Variants in KLRF1 observed in about 807,000 individuals in gnomAD.
The protein encoded by KLRF1 is killer cell lectin-like receptor subfamily F member 1.
KLRF1 carries 27 observed loss-of-function variants against 30.7 expected under a neutral mutation model. The observed-to-expected ratio is 0.88, with a 90% CI of 0.65 to 1.21. KLRF1 has a LOEUF of 1.21. Ranked by LOEUF, KLRF1 falls within the 50% of genes most tolerant of loss-of-function variation. KLRF1 has a pLI of 0.00. For missense variants in KLRF1, 246 were observed against 259.3 expected (o/e 0.95, Z 0.35); for synonymous variants, 92 against 89.3 (o/e 1.03, Z -0.17).
chr12:9,815,618 T>C, the KLRF1 span, among the ~76,000 whole-genome samples: 2 of 152,240 alleles, frequency 1.3e-5, no homozygotes, highest in African/African-American at 2.4e-5. Context: ...ACCTAGATTA[T>C]CATTATATTG....
At chr12:9,811,021 G>C in the KLRF1 span, among the ~76,000 whole-genome samples, 1 of 151,662 alleles carries the variant, frequency 6.6e-6, no homozygotes, top group Non-Finnish European at 1.5e-5. Flanking sequence ...TTCCAGCAAT[G>C]GTGAGGCTGA....
chr12:9,818,251 C>T, the KLRF1 span, among the ~76,000 whole-genome samples: 6 of 152,170 alleles, frequency 3.9e-5, no homozygotes, highest in African/African-American at 7.2e-5. Context: ...CTTGAATCAA[C>T]GTTAAGGATG....
rs149091495 is a variant in KLRF1 at position 9,833,222 on chromosome 12, G to A, written c.185-81G>A. On this transcript the variant is annotated intron_variant, in intron 2 of 5. Coordinates refer to ENST00000617889, the MANE Select transcript of KLRF1 (RefSeq NM_016523.3). The stretch of plus-strand genomic sequence containing the variant: ...TCAATTATTTCTTGTTCCAATCATC[G>A]GAATCATTCCATTGAATGTGTCCCT... 5.4e-3 allele frequency: 5,063 copies of A among 936,780 alleles called. 21 individuals carry two copies. The highest frequency in any genetic ancestry group is 0.019 in the Middle Eastern group (67 of 3,594). The allele number at this position is 936,780 out of a possible 1,614,324, so 58.0% of individuals were successfully genotyped here. A position where few individuals can be genotyped will look rare whatever the true frequency, so the allele number is the denominator to read the frequency against.
Position 9,833,901 on chromosome 12 carries a change from C to CTTTTTTT in KLRF1, c.334+468_334+474dup, listed in dbSNP as rs35443913. Among the ~76,000 whole-genome samples, 59 of 82,400 alleles carry CTTTTTTT rather than the reference C, an allele frequency of 7.2e-4. 2 individuals carry two copies. Among genetic ancestry groups the CTTTTTTT allele is most frequent in the African/African-American group, 2.9e-3 (53 of 18,058 alleles). The allele number at this position is 82,400 out of a possible 152,430, so 54.1% of individuals were successfully genotyped here. A position where few individuals can be genotyped will look rare whatever the true frequency, so the allele number is the denominator to read the frequency against. On this transcript the variant is annotated intron_variant, in intron 3 of 5. Transcript: ENST00000617889. ...TTACCTTCTATTTTTAAATGTTTAA[C>CTTTTTTT]TTTTTTTTTTTTTTTTTTTTTTTTT... is the stretch of plus-strand genomic sequence containing the variant.
intron 3 of KLRF1, among the ~76,000 whole-genome samples, chr12:9,841,408 A>G (rs1344908515): frequency 6.6e-6 from 1 of 152,088 alleles, no homozygotes; most frequent in African/African-American, 2.4e-5. Flanking sequence ...TCAAACCCCC[A>G]TGACACAAAT....
chr12:9,832,689 ATG>A (rs932528321), intron 2 of KLRF1, among the ~76,000 whole-genome samples: 48 of 117,274 alleles, frequency 4.1e-4, no homozygotes, highest in African/African-American at 1.2e-3. Context: ...GTGTGTGTGT[ATG>A]TGTGTGTATG....
chr12:9,834,330 G>A (rs1355461659), intron 3 of KLRF1, among the ~76,000 whole-genome samples: 1 of 152,050 alleles, frequency 6.6e-6, no homozygotes, highest in African/African-American at 2.4e-5. Context: ...TGGGCTCAGA[G>A]GCCTGACAGT....
At chr12:9,808,806 T>C in the KLRF1 span, among the ~76,000 whole-genome samples, 41,408 of 152,028 alleles carry the variant, frequency 0.27, 6,060 homozygotes, top group African/African-American at 0.38. Context: ...TTAAAAGACT[T>C]ATCACATTAA....
rs377343692 is a variant in KLRF1, at chr12:9,841,830, G to A, written c.353G>A (p.Trp118Ter). The part of the protein sequence containing the change: ...ADQTVLCQSE[W>*]LKYQGKCYWF... ...TCTGTAGTACTATGCCAATCAGAATGGCTCAAATACCAAGGGAAGTGTTAT... is the reference window on the plus strand; with the variant it reads ...TCTGTAGTACTATGCCAATCAGAATAGCTCAAATACCAAGGGAAGTGTTAT... Residue 118 changes from tryptophan to a stop codon, truncating the protein, a stop_gained, in exon 4 of 6, where the codon TGG becomes TAG. Coordinates refer to ENST00000617889, the MANE Select transcript of KLRF1 (RefSeq NM_016523.3). LOFTEE classifies it high-confidence loss of function. The A allele has an allele frequency of 1.5e-4, 236 of 1,606,686 alleles. 1 individual carries two copies. The highest frequency in any genetic ancestry group is 2.0e-4 in the Non-Finnish European group (229 of 1,174,312).
chr12:9,835,473 G>A (rs762580346), intron 3 of KLRF1, among the ~76,000 whole-genome samples: 11 of 152,010 alleles, frequency 7.2e-5, no homozygotes, highest in Non-Finnish European at 1.2e-4. Context: ...TGTTATTTTC[G>A]GGGCTGGGTA....
intron 3 of KLRF1, among the ~76,000 whole-genome samples, chr12:9,837,209 A>T (rs970626812): frequency 6.6e-6 from 1 of 152,138 alleles, no homozygotes; most frequent in Admixed American, 6.6e-5. Context: ...ATAGAATCAC[A>T]CAATATTTGG....
intron 5 of KLRF1, among the ~76,000 whole-genome samples, chr12:9,842,693 T>A (rs1357066819): frequency 6.6e-6 from 1 of 152,122 alleles, no homozygotes; most frequent in Admixed American, 6.6e-5. Flanking sequence ...AGTCTCTTAT[T>A]TTTAAAGGTC....
At chr12:9,834,387 AG>A (rs1867522522) in intron 3 of KLRF1, among the ~76,000 whole-genome samples, 1 of 151,884 alleles carries the variant, frequency 6.6e-6, no homozygotes, top group Non-Finnish European at 1.5e-5. Context: ...ATAGTATTGA[AG>A]TGTTGGGGCA....
intron 3 of KLRF1, among the ~76,000 whole-genome samples, chr12:9,836,228 A>G (rs756349322): frequency 1.3e-5 from 2 of 152,042 alleles, no homozygotes; most frequent in African/African-American, 2.4e-5. Flanking sequence ...TACTTTTTGC[A>G]ACAGGGCTTT....
chr12:9,820,626 G>T, the KLRF1 span, among the ~76,000 whole-genome samples: 198 of 152,224 alleles, frequency 1.3e-3, 3 homozygotes, highest in African/African-American at 4.2e-3. Flanking sequence ...ACACATGCTG[G>T]ACCTCACTTC....
intron 1 of KLRF1, among the ~76,000 whole-genome samples, chr12:9,828,575 T>TA (rs1867336744): frequency 6.6e-6 from 1 of 152,192 alleles, no homozygotes; most frequent in Non-Finnish European, 1.5e-5. Context: ...AAGACACAAA[T>TA]AATCACAGTT....
At chr12:9,833,900 A>ATTTTTTTTTTTTT (rs1867506421) in intron 3 of KLRF1, among the ~76,000 whole-genome samples, 1 of 120,746 alleles carries the variant, frequency 8.3e-6, no homozygotes, top group African/African-American at 4.0e-5. Context: ...TAAATGTTTA[A>ATTTTTTTTTTTTT]CTTTTTTTTT....
At chr12:9,815,743 C>T in the KLRF1 span, among the ~76,000 whole-genome samples, 5 of 152,326 alleles carry the variant, frequency 3.3e-5, no homozygotes, top group East Asian at 9.6e-4. Flanking sequence ...AGGCATAGTC[C>T]TTACCACAAT....
At chr12:9,843,081 A>G (rs963076483) in intron 5 of KLRF1, among the ~76,000 whole-genome samples, 5 of 152,186 alleles carry the variant, frequency 3.3e-5, no homozygotes, top group African/African-American at 1.2e-4. Flanking sequence ...ATCTCGAGAT[A>G]GGGATATTAT....
Sources: allele counts gnomAD v4.1 joint callset (sites outside exome capture counted in the v4.1 genomes callset), GRCh38; gene constraint gnomAD v4.1.1; transcripts MANE v1.5; gene names NCBI Gene and HGNC (gene_info 2026-07-23, HGNC 2026-07-21).